PLEKHG5: variants seen among roughly 807,000 people sequenced by gnomAD.
PLEKHG5 encodes pleckstrin homology and RhoGEF domain containing G5.
PLEKHG5 carries 52 observed loss-of-function variants against 103.8 expected under a neutral mutation model. The observed-to-expected ratio is 0.50, with a 90% CI of 0.40 to 0.63. The LOEUF is 0.63. PLEKHG5 is among the 30% of genes least tolerant of loss of function. The pLI is 0.00. For missense variants in PLEKHG5, 1,205 were observed against 1,347.6 expected (o/e 0.89, Z 1.66); for synonymous variants, 592 against 575.5 (o/e 1.03, Z -0.41).
rs373611638 is a variant in PLEKHG5, at chr1:6,475,956, C to G, written c.124G>C (p.Glu42Gln). The G allele has an allele frequency of 1.1e-4, 175 of 1,613,356 alleles. No homozygotes were observed. The highest frequency in any genetic ancestry group is 1.4e-4 in the Non-Finnish European group (169 of 1,179,500). Residue 42 changes from glutamate to glutamine, a missense_variant, in exon 3 of 21, where the codon GAG (glutamate) becomes CAG (glutamine). Physicochemically the swap from Glu to Gln is conservative, Grantham distance 29 (BLOSUM62 2). Transcript: ENST00000377728. ...SPAVDLEEEE[E>Q]ESSVDGKGDR... ...CCTTTGCCATCCACAGAGCTCTCCT[C>G]CTCCTCCTCCTCCAAGTCCACTGCG... is the stretch of plus-strand genomic sequence containing the variant.
At chr1:6,499,391 G>T (rs1274483935), upstream of PLEKHG5, among the ~76,000 whole-genome samples, 2 of 152,088 alleles carry the variant, frequency 1.3e-5, no homozygotes. Context: ...TGAACTCTCC[G>T]GCCTCTGACC....
chr1:6,474,887 C>T, intron 5 of PLEKHG5, 160 bp downstream of exon 5: 1 of 742,716 alleles, frequency 1.3e-6, no homozygotes, highest in Non-Finnish European at 2.5e-6. Flanking sequence ...CTCCCTCACA[C>T]TGGCGTGCAC....
At chr1:6,467,754 C>T in intron 20 of PLEKHG5, 71 bp downstream of exon 20, 8 of 1,570,430 alleles carry the variant, frequency 5.1e-6, no homozygotes, top group Non-Finnish European at 7.0e-6. Context: ...AAATGCGATG[C>T]TCCCAGGCAT....
At chr1:6,482,213 T>C (rs1412932478) in intron 1 of PLEKHG5, among the ~76,000 whole-genome samples, 1 of 152,228 alleles carries the variant, frequency 6.6e-6, no homozygotes, top group Admixed American at 6.5e-5. Flanking sequence ...TCCTCAGCAC[T>C]TTCCAGCACC....
At chr1:6,499,355 C>T (rs1645270217), upstream of PLEKHG5, among the ~76,000 whole-genome samples, 1 of 152,228 alleles carries the variant, frequency 6.6e-6, no homozygotes, top group South Asian at 2.1e-4. Flanking sequence ...TTGCCTGGTA[C>T]TTCCTGGCAC....
In PLEKHG5 at chr1:6,487,685, C is replaced by G. The variant is rs1379879498; in HGVS notation, c.-88+3952G>C. Among the ~76,000 whole-genome samples the G allele has an allele frequency of 1.3e-5, 2 of 152,208 alleles. No homozygotes were observed. The highest frequency in any genetic ancestry group is 2.4e-5 in the African/African-American group (1 of 41,458). ...TTTCCCTCATCTTAAAATAAACCAC[C>G]CTTACCCTCCCACTCTCAATTCCTT... On this transcript the variant is annotated intron_variant, in intron 1 of 20. Coordinates refer to ENST00000377728, the MANE Select transcript of PLEKHG5 (RefSeq NM_020631.6). This position sits in a 1 kb window ranked among gnomAD's most constrained non-coding sequence, Gnocchi z 4.1.
intron 1 of PLEKHG5, chr1:6,485,472 C>T (rs1054113350): frequency 1.8e-5 from 23 of 1,246,340 alleles, no homozygotes; most frequent in Non-Finnish European, 2.3e-5. Context: ...CGGTCTGCGC[C>T]GCCCGCCGGA....
At position 6,501,978 on chromosome 1, in the gene PLEKHG5, C is replaced by T. The variant is rs1188383297; in HGVS notation, c.-164-5409G>A. On this transcript the variant is annotated intron_variant, in intron 1 of 21. Transcript: ENST00000377740. The surrounding 1 kb of genome is among the most constrained non-coding windows in gnomAD (Gnocchi z 4.3). Reference sequence around the variant, plus strand: ...TGCCCACGACCTCCCAACCACAGGCCTGGCCATGCAAAGGCTGCCCCTCTC... The same window carrying T: ...TGCCCACGACCTCCCAACCACAGGCTTGGCCATGCAAAGGCTGCCCCTCTC... Among the ~76,000 whole-genome samples, 1 of 152,256 alleles carries T rather than the reference C, an allele frequency of 6.6e-6. No homozygotes were observed. The highest frequency in any genetic ancestry group is 1.5e-5 in the Non-Finnish European group (1 of 68,046).
intron 1 of PLEKHG5, among the ~76,000 whole-genome samples, chr1:6,484,771 G>T (rs1269610090): frequency 6.6e-6 from 1 of 152,170 alleles, no homozygotes; most frequent in Non-Finnish European, 1.5e-5. Flanking sequence ...GGGGGGGAAT[G>T]TTCCCAGGTC....
In PLEKHG5 at chr1:6,471,086, G is replaced by T; in HGVS notation, c.1296C>A (p.Phe432Leu). The T allele has an allele frequency of 6.3e-7, 1 of 1,587,532 alleles. No homozygotes were observed. Among genetic ancestry groups the T allele is most frequent in the East Asian group, 2.3e-5 (1 of 42,902 alleles). Reference sequence around the variant, plus strand: ...CCATGCAGTAGCGGATGTAGGGCTTGAAGAGCGAGCCGAACTGGCCCGGGG... The same window carrying T: ...CCATGCAGTAGCGGATGTAGGGCTTTAAGAGCGAGCCGAACTGGCCCGGGG... Reference protein sequence around the residue: ...LKGFKMFGSLFKPYIRYCMEE... With the variant: ...LKGFKMFGSLLKPYIRYCMEE... The change falls in exon 13 of 21, where the codon TTC (phenylalanine) becomes TTA (leucine). Residue 432 changes from phenylalanine (F) to leucine (L), a missense_variant. Physicochemically the swap from Phe to Leu is conservative, Grantham distance 22. Transcript: ENST00000377728.
At chr1:6,485,313 C>A in intron 1 of PLEKHG5, 1 of 1,399,646 alleles carries the variant, frequency 7.1e-7, no homozygotes, top group South Asian at 1.5e-5. Flanking sequence ...CGCCCCGTCC[C>A]GGCCCCGTAC....
chr1:6,477,763 G>T, intron 1 of PLEKHG5, 105 bp from the exon 2 acceptor site: 1 of 1,231,754 alleles, frequency 8.1e-7, no homozygotes, highest in Non-Finnish European at 1.1e-6. Context: ...TCCATCTCTC[G>T]ATCCAGGGTG....
chr1:6,503,976 G>A (rs370054947), intron 1 of PLEKHG5, among the ~76,000 whole-genome samples: 1 of 152,356 alleles, frequency 6.6e-6, no homozygotes, highest in East Asian at 1.9e-4. Context: ...TGCCTCTGCA[G>A]ACGGCGAGCA....
At chr1:6,508,694 G>C (rs533862037) in intron 1 of PLEKHG5, among the ~76,000 whole-genome samples, 3 of 152,358 alleles carry the variant, frequency 2.0e-5, no homozygotes, top group East Asian at 3.9e-4. Context: ...ACAGCTGTCT[G>C]TCTTGCATTC....
chr1:6,488,436 G>A (rs1056170886), intron 1 of PLEKHG5, among the ~76,000 whole-genome samples: 3 of 152,228 alleles, frequency 2.0e-5, no homozygotes, highest in South Asian at 4.1e-4. Flanking sequence ...AGACACGGCA[G>A]ATCCCAAAGC....
In PLEKHG5 at chr1:6,472,973, G is replaced by C. The variant is rs202154066; in HGVS notation, c.984+13C>G. 2.4e-5 allele frequency: 38 copies of C among 1,612,534 alleles called. No homozygotes were observed. The highest frequency in any genetic ancestry group is 3.0e-5 in the Non-Finnish European group (35 of 1,178,650). ...CGGGACAAGGAGGGAGCAGCACTGT[G>C]GCCCGCACTCACCTCATGCCCATCA... is the stretch of plus-strand genomic sequence containing the variant. On this transcript the variant is annotated intron_variant, in intron 9 of 20. Transcript: ENST00000377728.
Position 6,474,569 on chromosome 1 carries a change from T to C in PLEKHG5, c.321A>G (p.Val107=). 1.2e-6 allele frequency: 2 copies of C among 1,613,638 alleles called. No individual in the cohort carries two copies. The highest frequency in any genetic ancestry group is 1.7e-6 in the Non-Finnish European group (2 of 1,179,968). The change falls in exon 6 of 21, where the codon GTA becomes GTG. Residue 107 remains valine, a synonymous_variant. Coordinates refer to ENST00000377728, the MANE Select transcript of PLEKHG5 (RefSeq NM_020631.6). ...CCAGCGCAATGCCCTTCCTTTCAAA[T>C]ACAGGCAGCAGCACCTCCCTGCCCC... is the stretch of plus-strand genomic sequence containing the variant. ...KKSLGEVLLP[V]FERKGIALGK...
intron 1 of PLEKHG5, among the ~76,000 whole-genome samples, chr1:6,503,767 G>C (rs978508947): frequency 6.6e-6 from 1 of 152,154 alleles, no homozygotes; most frequent in Non-Finnish European, 1.5e-5. Flanking sequence ...CCCTCTCTAC[G>C]TTAGCTCTGT....
rs530813653 is a variant in PLEKHG5 at position 6,486,641 on chromosome 1, G to A, written c.-88+4996C>T. Among the ~76,000 whole-genome samples the A allele has an allele frequency of 9.2e-5, 14 of 152,336 alleles. No individual in the cohort carries two copies. Among genetic ancestry groups the A allele is most frequent in the South Asian group, 2.1e-4 (1 of 4,828 alleles). On this transcript the variant is annotated intron_variant, in intron 1 of 20. Coordinates refer to ENST00000377728, the MANE Select transcript of PLEKHG5 (RefSeq NM_020631.6). The surrounding 1 kb of genome is among the most constrained non-coding windows in gnomAD (Gnocchi z 5.3). Reference sequence around the variant, plus strand: ...TGCAGTTCTAGGCCAGGTCCCCACCGCCAGGGGGCACTCAGCAAAGCCTGA... The same window carrying A: ...TGCAGTTCTAGGCCAGGTCCCCACCACCAGGGGGCACTCAGCAAAGCCTGA...
Sources: gnomAD v4.1 joint callset for allele counts (sites outside exome capture counted in the v4.1 genomes callset) on GRCh38, gnomAD v4.1.1 for gene constraint, Gnocchi (gnomAD v3.1) non-coding constraint, MANE v1.5 for transcripts, NCBI Gene and HGNC (gene_info 2026-07-23, HGNC 2026-07-21) for gene names.